Variants in BIRC2 observed in about 807,000 individuals in gnomAD.
The protein encoded by BIRC2 is baculoviral IAP repeat-containing protein 2.
A neutral mutation model predicts 60.9 loss-of-function variants in BIRC2; 18 were observed. The ratio of observed to expected loss-of-function variants is 0.30; its 90% CI spans 0.20 to 0.44. BIRC2 has a LOEUF of 0.44. BIRC2 is among the 20% of genes least tolerant of loss of function. BIRC2 has a pLI of 1.00. For synonymous variants in BIRC2, 282 were observed against 247.7 expected (o/e 1.14, Z -1.30); for missense variants, 701 against 728.5 (o/e 0.96, Z 0.43).
chr11:102,348,389 A>G (rs908713052), intron 1 of BIRC2: 3 of 153,680 alleles, frequency 2.0e-5, no homozygotes, highest in Non-Finnish European at 4.4e-5. Flanking sequence ...AAAGACACGT[A>G]TAGTTAGTGC....
intron 6 of BIRC2, among the ~76,000 whole-genome samples, chr11:102,369,978 T>A (rs1381588856): frequency 6.6e-6 from 1 of 152,230 alleles, no homozygotes; most frequent in Non-Finnish European, 1.5e-5. Flanking sequence ...GAGAAGTGCC[T>A]GTTCATGTCC....
At chr11:102,364,564 AT>A (rs1306388487) in intron 5 of BIRC2, among the ~76,000 whole-genome samples, 3 of 152,162 alleles carry the variant, frequency 2.0e-5, no homozygotes, top group Non-Finnish European at 4.4e-5. Context: ...AATTTATGTA[AT>A]ATACATATGT....
Position 102,350,766 on chromosome 11 carries a change from T to C in BIRC2, c.895+17T>C, listed in dbSNP as rs761502445. Reference sequence around the variant, plus strand: ...ATTATGTGGGTAAGAAGCAAATAACTATACATTTTATCATTTTATTTTAAT... The same window carrying C: ...ATTATGTGGGTAAGAAGCAAATAACCATACATTTTATCATTTTATTTTAAT... On this transcript the variant is annotated intron_variant, in intron 2 of 8. Coordinates refer to ENST00000227758, the MANE Select transcript of BIRC2 (RefSeq NM_001166.5). The C allele has an allele frequency of 1.2e-6, 2 of 1,603,502 alleles. No homozygotes were observed. Among genetic ancestry groups the C allele is most frequent in the South Asian group, 1.1e-5 (1 of 88,874 alleles).
chr11:102,356,544 A>G (rs1030866477), intron 3 of BIRC2, among the ~76,000 whole-genome samples: 6 of 151,664 alleles, frequency 4.0e-5, no homozygotes, highest in Non-Finnish European at 8.8e-5. Flanking sequence ...TGCACTTGCC[A>G]TTTATGGTCC....
At chr11:102,365,622 T>C (rs1157376359) in intron 5 of BIRC2, among the ~76,000 whole-genome samples, 6 of 152,208 alleles carry the variant, frequency 3.9e-5, no homozygotes, top group Non-Finnish European at 8.8e-5. Context: ...TCACCCAGGC[T>C]GTAGTGTGGT....
At chr11:102,375,479 G>A (rs958087164) in intron 6 of BIRC2, among the ~76,000 whole-genome samples, 2 of 152,120 alleles carry the variant, frequency 1.3e-5, no homozygotes, top group African/African-American at 4.8e-5. Context: ...AAACAGATTT[G>A]TGTTTAAATT....
At chr11:102,376,140 A>G (rs1951711003) in intron 6 of BIRC2, among the ~76,000 whole-genome samples, 1 of 152,190 alleles carries the variant, frequency 6.6e-6, no homozygotes, top group African/African-American at 2.4e-5. Context: ...TATGGGTTGG[A>G]AAATAGTATT....
At chr11:102,373,646 T>C (rs1384557997) in intron 6 of BIRC2, among the ~76,000 whole-genome samples, 1 of 151,246 alleles carries the variant, frequency 6.6e-6, no homozygotes, top group Non-Finnish European at 1.5e-5. Context: ...ATTATGTGTC[T>C]TGGAGTTGCT....
chr11:102,367,563 C>A (rs770543219), intron 5 of BIRC2, among the ~76,000 whole-genome samples: 1 of 152,070 alleles, frequency 6.6e-6, no homozygotes, highest in Non-Finnish European at 1.5e-5. Flanking sequence ...AGAATTATGT[C>A]TTTTTGTATT....
At chr11:102,352,774 A>T (rs1455379624) in intron 3 of BIRC2, among the ~76,000 whole-genome samples, 4 of 152,200 alleles carry the variant, frequency 2.6e-5, no homozygotes, top group African/African-American at 9.6e-5. Flanking sequence ...TACTCTAGGC[A>T]TCATATATAA....
At position 102,352,661 on chromosome 11, in the gene BIRC2, G is replaced by A. The variant is rs182361380; in HGVS notation, c.995+1718G>A. 3.3e-5 allele frequency among the ~76,000 whole-genome samples: 5 copies of A among 152,140 alleles called. No individual in the cohort carries two copies. The South Asian group carries it at 6.2e-4, about 19-fold the overall frequency. ...GGCCAGGCTGGTCTTGAACTCCTGA[G>A]CTCAAGTGATCTGCTCACCTTTGCC... On this transcript the variant is annotated intron_variant, in intron 3 of 8. Coordinates refer to ENST00000227758, the MANE Select transcript of BIRC2 (RefSeq NM_001166.5).
chr11:102,351,775 T>A (rs1311210000), intron 3 of BIRC2, among the ~76,000 whole-genome samples: 1 of 152,146 alleles, frequency 6.6e-6, no homozygotes, highest in African/African-American at 2.4e-5. Flanking sequence ...AGAAATAATT[T>A]AGGGGCAGTG....
In BIRC2 at chr11:102,350,075, A is replaced by T; in HGVS notation, c.221A>T (p.Tyr74Phe). 6.2e-7 allele frequency: 1 copy of T among 1,614,220 alleles called. No individual in the cohort carries two copies. The highest frequency in any genetic ancestry group is 8.5e-7 in the Non-Finnish European group (1 of 1,180,046). Residue 74 changes from tyrosine to phenylalanine, a missense_variant, in exon 2 of 9, where the codon TAT (tyrosine) becomes TTT (phenylalanine). This residue lies in a region of BIRC2 where 375 missense variants were observed against 365.9 expected (regional missense o/e 1.02). Transcript: ENST00000227758. ...ERSLARAGFY[Y>F]TGVNDKVKCF... ...AGTCTTGCTCGTGCTGGTTTTTATT[A>T]TACTGGTGTGAATGACAAGGTCAAA... is the stretch of plus-strand genomic sequence containing the variant.
intron 6 of BIRC2, 103 bp from the exon 7 acceptor site, chr11:102,377,393 A>G: frequency 9.5e-7 from 1 of 1,050,446 alleles, no homozygotes; most frequent in Non-Finnish European, 1.3e-6. Flanking sequence ...TTTGAACTTT[A>G]TTTAGTGCCT....
rs1410991266 is a variant in BIRC2 at position 102,354,796 on chromosome 11, G to A, written c.995+3853G>A. ...GATAATAAGGCATCATTACAGGTGG[G>A]AGGTGATATTTCATTTTGGTTTTAA... On this transcript the variant is annotated intron_variant, in intron 3 of 8. Coordinates refer to ENST00000227758, the MANE Select transcript of BIRC2 (RefSeq NM_001166.5). Among the ~76,000 whole-genome samples, 3 of 152,096 alleles carry A rather than the reference G, an allele frequency of 2.0e-5. No homozygotes were observed. The South Asian group carries it at 6.2e-4, about 32-fold the overall frequency.
At chr11:102,356,014 C>A (rs1363078790) in intron 3 of BIRC2, among the ~76,000 whole-genome samples, 1 of 151,946 alleles carries the variant, frequency 6.6e-6, no homozygotes, top group Non-Finnish European at 1.5e-5. Context: ...TTAGGGTTTT[C>A]TATATATATA....
chr11:102,375,899 G>T (rs1048132661), intron 6 of BIRC2, among the ~76,000 whole-genome samples: 4 of 151,774 alleles, frequency 2.6e-5, no homozygotes, highest in African/African-American at 7.3e-5. Flanking sequence ...CCATAGGGTT[G>T]CTGTAGGAAT....
At chr11:102,362,616 C>T (rs1376412845) in intron 3 of BIRC2, 4 of 287,018 alleles carry the variant, frequency 1.4e-5, no homozygotes, top group African/African-American at 8.5e-5. Context: ...TAGTGTTCTT[C>T]AGGAGTCAAC....
Position 102,368,559 on chromosome 11 carries a change from A to G in BIRC2, c.1366+11A>G, listed in dbSNP as rs752592296. 3.1e-6 allele frequency: 5 copies of G among 1,611,406 alleles called. No homozygotes were observed. In the East Asian group the frequency reaches 1.1e-4, roughly 36 times the overall value. On this transcript the variant is annotated intron_variant, in intron 6 of 8. Coordinates refer to ENST00000227758, the MANE Select transcript of BIRC2 (RefSeq NM_001166.5). ...AAGAAATGGCATCAGGTATTTGGGG[A>G]TGTTAGTCACCTGCATTGTTTCTCA...
Sources: allele counts gnomAD v4.1 joint callset (sites outside exome capture counted in the v4.1 genomes callset), GRCh38; gene constraint gnomAD v4.1.1; regional missense constraint gnomAD v4.1.1; transcripts MANE v1.5; gene names NCBI Gene and HGNC (gene_info 2026-07-23, HGNC 2026-07-21).